Variants in STOX2 observed in about 807,000 individuals in gnomAD.
STOX2 encodes storkhead-box protein 2.
STOX2 carries 28 observed loss-of-function variants against 60.9 expected under a neutral mutation model. The observed-to-expected ratio is 0.46, with a 90% CI of 0.34 to 0.63. The LOEUF (loss-of-function observed/expected upper bound fraction) is 0.63, where lower values mean the gene tolerates loss of function less well. STOX2 is among the 30% of genes least tolerant of loss of function. STOX2 has a pLI of 0.01. For synonymous variants in STOX2, 472 were observed against 463.9 expected (o/e 1.02, Z -0.22); for missense variants, 1,024 against 1,187.7 (o/e 0.86, Z 2.03).
At chr4:183,801,664 C>A (rs748390055) in intron 1 of STOX2, among the ~76,000 whole-genome samples, 1 of 152,124 alleles carries the variant, frequency 6.6e-6, no homozygotes, top group Non-Finnish European at 1.5e-5. Context: ...GGAGAACTTT[C>A]CCTGCTGGGG....
At chr4:183,989,928 G>A (rs1163351855) in intron 1 of STOX2, among the ~76,000 whole-genome samples, 1 of 152,188 alleles carries the variant, frequency 6.6e-6, no homozygotes, top group African/African-American at 2.4e-5. Flanking sequence ...AATCCCGTAT[G>A]TAATAGGTAA....
intron 1 of STOX2, among the ~76,000 whole-genome samples, chr4:183,855,154 C>T (rs572588599): frequency 2.2e-4 from 33 of 152,274 alleles, no homozygotes; most frequent in Admixed American, 7.2e-4. Flanking sequence ...CTGTCGAATA[C>T]GAGGTTAGCA....
At chr4:183,866,940 G>T (rs909928155) in intron 1 of STOX2, among the ~76,000 whole-genome samples, 1 of 151,932 alleles carries the variant, frequency 6.6e-6, no homozygotes, top group Admixed American at 6.6e-5. Context: ...CAATCAACAT[G>T]AATAGAAGTT....
At chr4:183,897,753 A>G (rs960162693) in intron 1 of STOX2, among the ~76,000 whole-genome samples, 1 of 152,204 alleles carries the variant, frequency 6.6e-6, no homozygotes, top group Non-Finnish European at 1.5e-5. Flanking sequence ...ATTTCAAGTA[A>G]TACGGTTTAT....
At chr4:183,912,047 A>G (rs1180903575) in intron 1 of STOX2, among the ~76,000 whole-genome samples, 1 of 152,140 alleles carries the variant, frequency 6.6e-6, no homozygotes, top group Non-Finnish European at 1.5e-5. Flanking sequence ...TAACATCAGA[A>G]GGCGTGTGCA....
At chr4:183,822,548 G>A (rs1414221174) in intron 1 of STOX2, among the ~76,000 whole-genome samples, 1 of 152,150 alleles carries the variant, frequency 6.6e-6, no homozygotes. Context: ...TTCTCATAAG[G>A]AGCACACACC....
At chr4:183,949,450 A>G (rs1743002148) in intron 1 of STOX2, among the ~76,000 whole-genome samples, 1 of 152,204 alleles carries the variant, frequency 6.6e-6, no homozygotes, top group Admixed American at 6.5e-5. Flanking sequence ...CTGTAATCCC[A>G]GCACTTAGGG....
At chr4:183,933,167 G>A (rs891968406) in intron 1 of STOX2, among the ~76,000 whole-genome samples, 14 of 152,112 alleles carry the variant, frequency 9.2e-5, no homozygotes, top group Non-Finnish European at 1.6e-4. Context: ...GATAATTTCC[G>A]AAGCAGATTA....
intron 1 of STOX2, among the ~76,000 whole-genome samples, chr4:183,813,981 C>G (rs1229093613): frequency 6.6e-6 from 1 of 152,064 alleles, no homozygotes; most frequent in Admixed American, 6.6e-5. Flanking sequence ...GGGGCTATCT[C>G]TAAGATAATA....
intron 2 of STOX2, among the ~76,000 whole-genome samples, chr4:184,003,047 C>T (rs1333194458): frequency 5.3e-5 from 8 of 152,212 alleles, no homozygotes; most frequent in Non-Finnish European, 7.3e-5. Context: ...CCTAGGCAAA[C>T]GCCTTTCCTT....
chr4:183,985,047 C>T (rs1045085953), intron 1 of STOX2, among the ~76,000 whole-genome samples: 9 of 152,078 alleles, frequency 5.9e-5, no homozygotes, highest in South Asian at 2.1e-4. Context: ...TTTGCCTGAC[C>T]GTGTATATTC....
upstream of STOX2, among the ~76,000 whole-genome samples, chr4:183,901,480 G>A (rs1741457764): frequency 6.6e-6 from 1 of 152,070 alleles, no homozygotes; most frequent in Non-Finnish European, 1.5e-5. Context: ...AGTTTTTGAG[G>A]AGTTGCCATA....
At chr4:183,909,284 T>C (rs1741712167) in intron 1 of STOX2, among the ~76,000 whole-genome samples, 1 of 152,236 alleles carries the variant, frequency 6.6e-6, no homozygotes, top group African/African-American at 2.4e-5. Context: ...CTCATCCTTT[T>C]AGGAAATGTA....
Position 183,825,428 on chromosome 4 carries a change from A to G in STOX2, c.364+27373A>G, listed in dbSNP as rs1231042067. ...GCGCGTGCTGCAGATGGCAGCGGTC[A>G]GCTCGTGTCATCTCCTAGCATCCCT... On this transcript the variant is annotated intron_variant, in intron 1 of 2. Transcript: ENST00000513034. The surrounding 1 kb of genome is among the most constrained non-coding windows in gnomAD (Gnocchi z 4.1). 6.6e-6 allele frequency among the ~76,000 whole-genome samples: 1 copy of G among 152,176 alleles called. No homozygotes were observed. The highest frequency in any genetic ancestry group is 2.4e-5 in the African/African-American group (1 of 41,440).
intron 1 of STOX2, among the ~76,000 whole-genome samples, chr4:183,951,358 G>T (rs1048720189): frequency 3.3e-5 from 5 of 151,362 alleles, no homozygotes; most frequent in African/African-American, 1.2e-4. Flanking sequence ...AGAGGAGCAA[G>T]ACTAGAGAGA....
intron 1 of STOX2, among the ~76,000 whole-genome samples, chr4:183,913,146 G>A (rs974724307): frequency 3.3e-5 from 5 of 152,142 alleles, no homozygotes; most frequent in Non-Finnish European, 7.3e-5. Context: ...GATGGAGAAG[G>A]AGAAGGATTT....
chr4:183,827,096 A>G (rs75421248), intron 1 of STOX2, among the ~76,000 whole-genome samples: 1,796 of 152,334 alleles, frequency 0.012, 33 homozygotes, highest in African/African-American at 0.04. Flanking sequence ...GCTATGTAGT[A>G]TAGTCAGTAT....
intron 1 of STOX2, among the ~76,000 whole-genome samples, chr4:183,951,469 G>A (rs1167130689): frequency 1.2e-5 from 1 of 85,224 alleles, no homozygotes; most frequent in South Asian, 3.7e-4. Flanking sequence ...TTTTTTTTTG[G>A]GACGGAGCTT....
chr4:183,867,617 C>T (rs1355899117), intron 1 of STOX2, among the ~76,000 whole-genome samples: 1 of 152,222 alleles, frequency 6.6e-6, no homozygotes. Flanking sequence ...CTGAGGTTAT[C>T]CATCGTTTGT....
Sources: allele counts gnomAD v4.1 joint callset (sites outside exome capture counted in the v4.1 genomes callset), GRCh38; gene constraint gnomAD v4.1.1; non-coding constraint Gnocchi (gnomAD v3.1); transcripts MANE v1.5; gene names NCBI Gene and HGNC (gene_info 2026-07-23, HGNC 2026-07-21).